Variants in PDS5B observed in about 807,000 individuals in gnomAD.
The protein encoded by PDS5B is sister chromatid cohesion protein PDS5 homolog B.
A neutral mutation model predicts 184.1 loss-of-function variants in PDS5B; 51 were observed. The ratio of observed to expected loss-of-function variants is 0.28; its 90% confidence interval spans 0.22 to 0.35. The LOEUF is 0.35. Among genes scored for constraint, PDS5B ranks in the 10% least tolerant of loss-of-function variants. The pLI, the probability that PDS5B is intolerant of heterozygous loss-of-function variation, is 1.00. For synonymous variants in PDS5B, 566 were observed against 569.2 expected (o/e 0.99, Z 0.08); for missense variants, 1,180 against 1,723.3 (o/e 0.68, Z 5.58).
intron 25 of PDS5B, among the ~76,000 whole-genome samples, chr13:32,754,776 C>T (rs1014898409): frequency 1.3e-5 from 2 of 152,258 alleles, no homozygotes; most frequent in South Asian, 4.1e-4. Flanking sequence ...CAGTGCCTGG[C>T]ATAATGTATG....
intron 1 of PDS5B, among the ~76,000 whole-genome samples, chr13:32,630,624 G>C (rs1161226805): frequency 6.6e-6 from 1 of 152,180 alleles, no homozygotes; most frequent in Admixed American, 6.5e-5. Flanking sequence ...TAGTTGGGTA[G>C]TAGATAGTGC....
chr13:32,679,759 TAGAC>T (rs1951180287), intron 10 of PDS5B, among the ~76,000 whole-genome samples: 1 of 152,218 alleles, frequency 6.6e-6, no homozygotes, highest in Admixed American at 6.5e-5. Context: ...TTGCAGTGCT[TAGAC>T]AGCTTGCTCT....
chr13:32,718,258 C>T (rs1263469753), intron 19 of PDS5B, among the ~76,000 whole-genome samples: 1 of 151,936 alleles, frequency 6.6e-6, no homozygotes, highest in Non-Finnish European at 1.5e-5. Context: ...TCACACCATT[C>T]TCCTGCCTCA....
intron 15 of PDS5B, among the ~76,000 whole-genome samples, chr13:32,698,359 T>A (rs555061431): frequency 6.6e-6 from 1 of 152,242 alleles, no homozygotes; most frequent in African/African-American, 2.4e-5. Flanking sequence ...TCCTGAACAC[T>A]GTTAAACTCC....
chr13:32,625,456 G>A (rs1451201516), intron 1 of PDS5B, among the ~76,000 whole-genome samples: 5 of 151,970 alleles, frequency 3.3e-5, no homozygotes, highest in Non-Finnish European at 2.9e-5. Context: ...AAATTCTTTT[G>A]TGTTTTTCTG....
chr13:32,696,034 A>C (rs911974254), intron 14 of PDS5B, among the ~76,000 whole-genome samples: 1 of 152,100 alleles, frequency 6.6e-6, no homozygotes, highest in Non-Finnish European at 1.5e-5. Context: ...GAAATCTTAC[A>C]TGTTTCTAGA....
intron 10 of PDS5B, among the ~76,000 whole-genome samples, chr13:32,682,892 T>C (rs1951284590): frequency 6.6e-6 from 1 of 152,250 alleles, no homozygotes; most frequent in South Asian, 2.1e-4. Context: ...CCATTTGGGT[T>C]TCATCCTTTT....
At chr13:32,692,694 A>G (rs536814431) in intron 13 of PDS5B, among the ~76,000 whole-genome samples, 2 of 152,012 alleles carry the variant, frequency 1.3e-5, no homozygotes, top group African/African-American at 4.8e-5. Flanking sequence ...CAGAACTGCA[A>G]TTCAGACTAA....
At chr13:32,599,323 G>A (rs994394102) in intron 1 of PDS5B, among the ~76,000 whole-genome samples, 2 of 151,848 alleles carry the variant, frequency 1.3e-5, no homozygotes, top group Non-Finnish European at 2.9e-5. Context: ...GAGTGCAGTG[G>A]CGTGATCTCA....
intron 11 of PDS5B, among the ~76,000 whole-genome samples, chr13:32,686,110 A>AT (rs1324741391): frequency 1.3e-5 from 2 of 152,238 alleles, no homozygotes; most frequent in Non-Finnish European, 2.9e-5. Flanking sequence ...GAAGGAAAAA[A>AT]TTAATAATCT....
intron 1 of PDS5B, among the ~76,000 whole-genome samples, chr13:32,632,878 C>A (rs958762088): frequency 6.6e-6 from 1 of 151,910 alleles, no homozygotes; most frequent in African/African-American, 2.4e-5. Flanking sequence ...CTGAGGCAGG[C>A]GGATCTTGAG....
intron 19 of PDS5B, among the ~76,000 whole-genome samples, chr13:32,728,455 C>CGAAG (rs879348932): frequency 0.23 from 34,497 of 151,990 alleles, 4,234 homozygotes; most frequent in South Asian, 0.37. Context: ...AGTTTTTCCT[C>CGAAG]CTAACACGAT....
At chr13:32,734,648 A>G (rs924490130) in intron 20 of PDS5B, among the ~76,000 whole-genome samples, 1 of 152,214 alleles carries the variant, frequency 6.6e-6, no homozygotes, top group African/African-American at 2.4e-5. Context: ...CTTGGCATCA[A>G]GCCAGCCAGT....
chr13:32,697,502 C>T (rs1409587360), intron 15 of PDS5B, among the ~76,000 whole-genome samples: 1 of 152,084 alleles, frequency 6.6e-6, no homozygotes, highest in African/African-American at 2.4e-5. Context: ...ATCTGAGATG[C>T]TAAATATTCC....
intron 13 of PDS5B, among the ~76,000 whole-genome samples, chr13:32,692,414 C>CTATTTTTT (rs1593440334): frequency 1.2e-4 from 8 of 69,152 alleles, no homozygotes; most frequent in African/African-American, 3.5e-4. Context: ...GTCCAAAAAG[C>CTATTTTTT]CTTTTTTTTT....
chr13:32,705,959 G>T (rs977615670), intron 17 of PDS5B, among the ~76,000 whole-genome samples: 9 of 152,030 alleles, frequency 5.9e-5, no homozygotes, highest in African/African-American at 2.2e-4. Context: ...GAGCCACTGT[G>T]CCTGGGTACA....
intron 1 of PDS5B, among the ~76,000 whole-genome samples, chr13:32,606,034 G>A (rs1452071663): frequency 6.6e-6 from 1 of 152,074 alleles, no homozygotes; most frequent in East Asian, 1.9e-4. Context: ...TTGCCAGTCT[G>A]TGTCTTTTAA....
At chr13:32,603,911 T>C (rs1478606212) in intron 1 of PDS5B, among the ~76,000 whole-genome samples, 3 of 152,224 alleles carry the variant, frequency 2.0e-5, no homozygotes, top group South Asian at 2.1e-4. Context: ...CTTGTGATTT[T>C]TGCACATTGA....
intron 1 of PDS5B, among the ~76,000 whole-genome samples, chr13:32,591,851 G>A (rs1464008074): frequency 6.6e-6 from 1 of 152,190 alleles, no homozygotes; most frequent in African/African-American, 2.4e-5. Context: ...AAGATGGTCT[G>A]AGAGAAGTGG....
Sources: gnomAD v4.1 joint callset for allele counts (sites outside exome capture counted in the v4.1 genomes callset) on GRCh38, gnomAD v4.1.1 for gene constraint, MANE v1.5 for transcripts, NCBI Gene and HGNC (gene_info 2026-07-23, HGNC 2026-07-21) for gene names.